The following ARHGAP23 variants were observed in gnomAD, a reference collection of about 807,000 sequenced individuals.
The protein encoded by ARHGAP23 is Rho GTPase activating protein 23, also known as rho GTPase-activating protein 23.
In ARHGAP23, 34 loss-of-function variants were observed where a neutral mutation model predicts 136.3. That is an observed-to-expected ratio of 0.25 (90% CI 0.19 to 0.33). ARHGAP23 has a LOEUF of 0.33. Ranked by LOEUF, ARHGAP23 falls within the 10% of genes least tolerant of loss-of-function variation. ARHGAP23 has a pLI of 1.00. For synonymous variants in ARHGAP23, 832 were observed against 920.5 expected (o/e 0.90, Z 1.74); for missense variants, 1,808 against 2,139.0 (o/e 0.85, Z 3.05).
intron 1 of ARHGAP23, among the ~76,000 whole-genome samples, chr17:38,438,158 T>G (rs2038843706): frequency 6.6e-6 from 1 of 151,964 alleles, no homozygotes; most frequent in Non-Finnish European, 1.5e-5. Flanking sequence ...CCATCTCTAC[T>G]AAAAATACAA....
At chr17:38,491,349 G>A in intron 19 of ARHGAP23, 58 bp from the exon 20 acceptor site, 1 of 1,547,934 alleles carries the variant, frequency 6.5e-7, no homozygotes, top group Non-Finnish European at 8.7e-7. Context: ...TCAGGTGCCA[G>A]AGTGAGGGAG....
chr17:38,510,012 C>A lies in ARHGAP23; in HGVS notation c.3516C>A (p.Val1172=). 8.0e-7 allele frequency: 1 copy of A among 1,250,028 alleles called. No homozygotes were observed. Among genetic ancestry groups the A allele is most frequent in the South Asian group, 3.8e-5 (1 of 26,360 alleles). The allele number at this position is 1,250,028 out of a possible 1,614,324, so 77.4% of individuals were successfully genotyped here. A position where few individuals can be genotyped will look rare whatever the true frequency, so the allele number is the denominator to read the frequency against. The change falls in exon 24 of 24, where the codon GTC becomes GTA. Residue 1172 remains valine, a synonymous_variant. Transcript: ENST00000622683. This position sits in a 1 kb window ranked among gnomAD's most constrained non-coding sequence, Gnocchi z 4.6. ...TGGCGATCTCCTTCATCTCGGCCGT[C>A]AACCGCAAGCGCAAGAAGCGGCGGG... ...EMLAISFISA[V]NRKRKKRREA...
upstream of ARHGAP23, chr17:38,428,424 C>T: frequency 6.6e-6 from 7 of 1,057,890 alleles, no homozygotes; most frequent in Non-Finnish European, 8.6e-6. Context: ...GGCCCCGCCC[C>T]TCCCGGGTCC....
At chr17:38,488,605 A>G (rs1283243453) in intron 17 of ARHGAP23, among the ~76,000 whole-genome samples, 1 of 152,078 alleles carries the variant, frequency 6.6e-6, no homozygotes, top group Admixed American at 6.5e-5. Flanking sequence ...CTGGAGTGCA[A>G]TGGTGTGATC....
rs771617032 is a variant in ARHGAP23 at position 38,479,737 on chromosome 17, C to G, written c.2499-16C>G. ...CCCAAATGAAGACCTCTCCTCTCCC[C>G]CTTTTTCCTACACAGCCATAGCTCT... is the stretch of plus-strand genomic sequence containing the variant. On this transcript the variant is annotated splice_polypyrimidine_tract_variant and intron_variant, in intron 13 of 23. Coordinates refer to ENST00000622683, the MANE Select transcript of ARHGAP23 (RefSeq NM_001199417.2). 7.5e-6 allele frequency: 11 copies of G among 1,467,508 alleles called. No homozygotes were observed. In the South Asian group the frequency reaches 1.3e-4, roughly 17 times the overall value. 90.9% of individuals were successfully genotyped at this position (1,467,508 alleles called of 1,614,324 possible).
intron 1 of ARHGAP23, among the ~76,000 whole-genome samples, chr17:38,439,299 C>T (rs1419409623): frequency 6.6e-6 from 1 of 152,114 alleles, no homozygotes; most frequent in East Asian, 1.9e-4. Context: ...ACTCCTATTC[C>T]TCTTTCAATG....
At chr17:38,468,715 C>T (rs1161530663) in intron 7 of ARHGAP23, among the ~76,000 whole-genome samples, 1 of 152,200 alleles carries the variant, frequency 6.6e-6, no homozygotes, top group Non-Finnish European at 1.5e-5. Context: ...TGAGGAGCCC[C>T]AGCTGATGGG....
chr17:38,485,533 G>T (rs2040140515), intron 16 of ARHGAP23, among the ~76,000 whole-genome samples: 1 of 152,202 alleles, frequency 6.6e-6, no homozygotes, highest in South Asian at 2.1e-4. Context: ...AGGAAACAAA[G>T]TCAGGGCTGG....
rs1052567499 is a variant in ARHGAP23, at chr17:38,466,131, CT to C, written c.484-35del. 5 of 1,440,146 alleles carry C rather than the reference CT, an allele frequency of 3.5e-6. No homozygotes were observed. In the African/African-American group the frequency reaches 5.8e-5, roughly 17 times the overall value. The allele number at this position is 1,440,146 out of a possible 1,614,324, so 89.2% of individuals were successfully genotyped here. A position where few individuals can be genotyped will look rare whatever the true frequency, so the allele number is the denominator to read the frequency against. On this transcript the variant is annotated intron_variant, in intron 6 of 23. Transcript: ENST00000622683. ...CGTTCCCCTACCCTGTGGGACTTGT[CT>C]GGCCCTGCTTACCTGTCTCTGTGTC... is the stretch of plus-strand genomic sequence containing the variant.
rs1353790100 is a variant in ARHGAP23 at position 38,498,896 on chromosome 17, AC to A, written c.3415+391del. On this transcript the variant is annotated intron_variant, in intron 22 of 23. Coordinates refer to ENST00000622683, the MANE Select transcript of ARHGAP23 (RefSeq NM_001199417.2). ...CCTCTTCTCCCCGTGCTCTCCTCCC[AC>A]CCCCTTCTCTTCTCCTCCCCCTCCC... 6 of 382,490 alleles carry A rather than the reference AC, an allele frequency of 1.6e-5. 1 individual carries two copies. Among genetic ancestry groups the A allele is most frequent in the South Asian group, 1.5e-4 (5 of 34,178 alleles). The allele number at this position is 382,490 out of a possible 1,614,324, so 23.7% of individuals were successfully genotyped here.
At chr17:38,460,590 CTG>C (rs2039435739) in intron 2 of ARHGAP23, among the ~76,000 whole-genome samples, 2 of 152,240 alleles carry the variant, frequency 1.3e-5, no homozygotes, top group African/African-American at 4.8e-5. Flanking sequence ...CCCGCGTCTT[CTG>C]TGTGTGTGAG....
intron 1 of ARHGAP23, among the ~76,000 whole-genome samples, chr17:38,446,075 C>A (rs977160058): frequency 6.7e-6 from 1 of 149,666 alleles, no homozygotes; most frequent in Non-Finnish European, 1.5e-5. Context: ...GGTGTAGTGG[C>A]GCGATTTCAG....
chr17:38,479,859 C>T lies in ARHGAP23; in HGVS notation c.2605C>T (p.Gln869Ter). The change falls in exon 14 of 24, where the codon CAG (glutamine) becomes TAG (stop). Residue 869 changes from glutamine to a stop codon, truncating the protein, a stop_gained. Transcript: ENST00000622683. LOFTEE classifies it high-confidence loss of function. ...KQSAARGLRT[Q>*]DLPAGSKDDS... is the part of the protein sequence containing the mutation. ...GAGTGCGGCACGTGGCCTCAGGACTCAGGACCTGCCCGCAGGGAGCAAGGG... is the reference window on the plus strand; with the variant it reads ...GAGTGCGGCACGTGGCCTCAGGACTTAGGACCTGCCCGCAGGGAGCAAGGG... The T allele has an allele frequency of 6.5e-7, 1 of 1,545,938 alleles. No individual in the cohort carries two copies. Among genetic ancestry groups the T allele is most frequent in the Non-Finnish European group, 8.7e-7 (1 of 1,145,954 alleles).
intron 2 of ARHGAP23, 36 bp downstream of exon 2, chr17:38,458,299 G>A: frequency 1.4e-6 from 2 of 1,467,684 alleles, no homozygotes; most frequent in African/African-American, 2.8e-5. Flanking sequence ...GTCTGGGGAA[G>A]CTTTCATGAG....
chr17:38,478,108 G>T (rs111361171), intron 12 of ARHGAP23, among the ~76,000 whole-genome samples: 11,044 of 152,326 alleles, frequency 0.073, 542 homozygotes, highest in Non-Finnish European at 0.11. Flanking sequence ...CAGGTGCGGG[G>T]ACCGGCAGTC....
In ARHGAP23 at chr17:38,435,794, G is replaced by A. The variant is rs567147734; in HGVS notation, c.63+7246G>A. On this transcript the variant is annotated intron_variant, in intron 1 of 23. Transcript: ENST00000622683. ...TTTTGTATTTTTAGTAGAGATGGGC[G>A]TTCACCATGTTGGTCAGGCTGGTCT... is the stretch of plus-strand genomic sequence containing the variant. Among the ~76,000 whole-genome samples the A allele has an allele frequency of 7.4e-4, 112 of 152,166 alleles. 1 individual carries two copies. Among genetic ancestry groups the A allele is most frequent in the Non-Finnish European group, 1.1e-3 (75 of 67,996 alleles).
At chr17:38,439,647 T>A (rs1402794312) in intron 1 of ARHGAP23, among the ~76,000 whole-genome samples, 1 of 152,252 alleles carries the variant, frequency 6.6e-6, no homozygotes, top group African/African-American at 2.4e-5. Context: ...CCATGGGCGA[T>A]GGATTATCTC....
intron 7 of ARHGAP23, among the ~76,000 whole-genome samples, chr17:38,467,821 T>C (rs900855401): frequency 6.6e-6 from 1 of 152,158 alleles, no homozygotes; most frequent in Non-Finnish European, 1.5e-5. Flanking sequence ...TTCCTTCCAT[T>C]CTCCCATTCT....
intron 1 of ARHGAP23, among the ~76,000 whole-genome samples, chr17:38,420,946 G>T (rs1259024611): frequency 1.3e-5 from 2 of 152,124 alleles, no homozygotes; most frequent in African/African-American, 4.8e-5. Flanking sequence ...GAGGGGCAGG[G>T]CTAGGGGCCA....
Sources: allele counts gnomAD v4.1 joint callset (sites outside exome capture counted in the v4.1 genomes callset), GRCh38; gene constraint gnomAD v4.1.1; non-coding constraint Gnocchi (gnomAD v3.1); transcripts MANE v1.5; gene names NCBI Gene and HGNC (gene_info 2026-07-23, HGNC 2026-07-21).